TENM2: variants seen among roughly 807,000 people sequenced by gnomAD.
TENM2 encodes the protein teneurin-2.
A neutral mutation model predicts 245.2 loss-of-function variants in TENM2; 52 were observed. The ratio of observed to expected loss-of-function variants is 0.21; its 90% confidence interval spans 0.17 to 0.27. TENM2 has a LOEUF of 0.27. TENM2 is among the 10% of genes least tolerant of loss of function. TENM2 has a pLI of 1.00. For synonymous variants in TENM2, 1,363 were observed against 1,438.9 expected (o/e 0.95, Z 1.19); for missense variants, 3,046 against 3,666.8 (o/e 0.83, Z 4.37).
chr5:167,336,755 T>G (rs576748865), intron 1 of TENM2, among the ~76,000 whole-genome samples: 3 of 151,678 alleles, frequency 2.0e-5, no homozygotes, highest in Admixed American at 1.3e-4. Context: ...TGAAAGGAAA[T>G]GCTAATTAGA....
chr5:167,148,595 C>T, the TENM2 span, among the ~76,000 whole-genome samples: 1 of 152,164 alleles, frequency 6.6e-6, no homozygotes, highest in Admixed American at 6.6e-5. Context: ...AAGAACCACG[C>T]ATAGGGCCAG....
At chr5:167,258,869 CA>C in the TENM2 span, among the ~76,000 whole-genome samples, 150 of 151,776 alleles carry the variant, frequency 9.9e-4, no homozygotes, top group African/African-American at 3.5e-3. Context: ...TTCACAATGA[CA>C]AAAAAAGGGT....
chr5:167,030,077 A>T, the TENM2 span, among the ~76,000 whole-genome samples: 5 of 152,154 alleles, frequency 3.3e-5, no homozygotes, highest in Middle Eastern at 3.2e-3. Context: ...TCGACCAAAC[A>T]TCCTAGGTAA....
the TENM2 span, among the ~76,000 whole-genome samples, chr5:167,040,449 C>T: frequency 6.6e-6 from 1 of 151,972 alleles, no homozygotes; most frequent in Non-Finnish European, 1.5e-5. Context: ...GCAATCAAAT[C>T]ATGATACTAG....
chr5:167,420,338 C>T (rs1763428989), intron 2 of TENM2, among the ~76,000 whole-genome samples: 1 of 152,288 alleles, frequency 6.6e-6, no homozygotes, highest in South Asian at 2.1e-4. Context: ...ACTATGTGGA[C>T]TCCGGGATGG....
chr5:167,807,154 A>AAAAAAG (rs1766258160), intron 2 of TENM2, among the ~76,000 whole-genome samples: 7 of 142,550 alleles, frequency 4.9e-5, no homozygotes, highest in East Asian at 4.8e-4. Flanking sequence ...AAAAAAAAAA[A>AAAAAAG]AAGAAGAAGA....
chr5:167,409,711 A>T (rs1762810503), intron 2 of TENM2, among the ~76,000 whole-genome samples: 1 of 151,910 alleles, frequency 6.6e-6, no homozygotes, highest in South Asian at 2.1e-4. Flanking sequence ...GTAAAAGTAT[A>T]TTGTATTGGT....
At chr5:167,706,843 G>C (rs1450151798) in intron 2 of TENM2, among the ~76,000 whole-genome samples, 16 of 151,614 alleles carry the variant, frequency 1.1e-4, no homozygotes, top group African/African-American at 3.9e-4. Context: ...TGAAAGCCCC[G>C]TCTCTACTAA....
At chr5:167,223,722 G>A in the TENM2 span, among the ~76,000 whole-genome samples, 21 of 152,062 alleles carry the variant, frequency 1.4e-4, no homozygotes, top group Non-Finnish European at 2.1e-4. Context: ...GGCATTGCTC[G>A]ATTGTATGGT....
chr5:167,553,994 A>C (rs887618994), intron 2 of TENM2, among the ~76,000 whole-genome samples: 1 of 152,188 alleles, frequency 6.6e-6, no homozygotes, highest in Non-Finnish European at 1.5e-5. Context: ...GTCTCACAAC[A>C]TAATGGCACA....
At chr5:167,207,644 G>A in the TENM2 span, among the ~76,000 whole-genome samples, 1 of 152,154 alleles carries the variant, frequency 6.6e-6, no homozygotes, top group East Asian at 1.9e-4. Flanking sequence ...TCCAATATCA[G>A]CCACATGACT....
At chr5:167,607,691 G>T (rs1777154590) in intron 2 of TENM2, among the ~76,000 whole-genome samples, 1 of 152,166 alleles carries the variant, frequency 6.6e-6, no homozygotes, top group South Asian at 2.1e-4. Context: ...TCTTGCATTT[G>T]TTTCTAGGGA....
At chr5:167,602,047 G>A (rs999950153) in intron 2 of TENM2, among the ~76,000 whole-genome samples, 2 of 151,642 alleles carry the variant, frequency 1.3e-5, no homozygotes, top group Non-Finnish European at 2.9e-5. Flanking sequence ...CACAGAGAAG[G>A]TAGCTTTTCT....
At chr5:167,156,763 T>C in the TENM2 span, among the ~76,000 whole-genome samples, 1 of 152,192 alleles carries the variant, frequency 6.6e-6, no homozygotes, top group Non-Finnish European at 1.5e-5. Context: ...CTTGGCCCTC[T>C]CAAGCGCTTT....
At chr5:167,660,971 G>A (rs1755173844) in intron 2 of TENM2, among the ~76,000 whole-genome samples, 1 of 152,048 alleles carries the variant, frequency 6.6e-6, no homozygotes, top group Non-Finnish European at 1.5e-5. Flanking sequence ...TTAGTTGTTA[G>A]TATAAATAAC....
chr5:167,524,296 A>G (rs1359128759), intron 2 of TENM2, among the ~76,000 whole-genome samples: 1 of 152,200 alleles, frequency 6.6e-6, no homozygotes, highest in African/African-American at 2.4e-5. Context: ...TCTGAAAAAT[A>G]GGGATAATAA....
chr5:167,445,365 A>AGT (rs1561961842), intron 2 of TENM2, among the ~76,000 whole-genome samples: 6 of 130,096 alleles, frequency 4.6e-5, no homozygotes, highest in African/African-American at 1.9e-4. Context: ...AGAGAGAGAG[A>AGT]GAGAGTGTCA....
At chr5:167,274,208 A>G in the TENM2 span, among the ~76,000 whole-genome samples, 24 of 152,130 alleles carry the variant, frequency 1.6e-4, no homozygotes, top group Admixed American at 2.6e-4. Flanking sequence ...CTCTAGTTCT[A>G]TAATTTTGTG....
the TENM2 span, among the ~76,000 whole-genome samples, chr5:167,044,154 A>G: frequency 6.6e-6 from 1 of 152,152 alleles, no homozygotes; most frequent in Non-Finnish European, 1.5e-5. Context: ...CAGAAGACAT[A>G]GGCTATCTGA....
Sources: gnomAD v4.1 joint callset for allele counts (sites outside exome capture counted in the v4.1 genomes callset) on GRCh38, gnomAD v4.1.1 for gene constraint, MANE v1.5 for transcripts, NCBI Gene and HGNC (gene_info 2026-07-23, HGNC 2026-07-21) for gene names.